Variants in MCF2L2 observed in about 807,000 individuals in gnomAD.
The protein encoded by MCF2L2 is MCF.2 cell line derived transforming sequence-like 2, also known as probable guanine nucleotide exchange factor MCF2L2.
A neutral mutation model predicts 150.2 loss-of-function variants in MCF2L2; 102 were observed. The observed-to-expected ratio is 0.68, with a 90% confidence interval of 0.58 to 0.80. The LOEUF is 0.80. Ranked by LOEUF, MCF2L2 falls within the 30% of genes least tolerant of loss-of-function variation. The probability of loss-of-function intolerance (pLI) is 0.00; values close to 1 mark genes in which losing one functional copy is unlikely to be tolerated. For synonymous variants in MCF2L2, 465 were observed against 491.3 expected, an observed-to-expected ratio of 0.95 and a Z score of 0.71; for missense variants, 1,256 against 1,372.8, an observed-to-expected ratio of 0.91 and a Z score of 1.34.
chr3:183,184,505 G>A (rs1456835535), intron 27 of MCF2L2, among the ~76,000 whole-genome samples: 1 of 152,222 alleles, frequency 6.6e-6, no homozygotes, highest in African/African-American at 2.4e-5. Context: ...GGTGGGCGAT[G>A]AGAATTCCTG....
At chr3:183,292,875 A>C (rs1728246932) in intron 13 of MCF2L2, among the ~76,000 whole-genome samples, 3 of 152,192 alleles carry the variant, frequency 2.0e-5, no homozygotes. Flanking sequence ...ATATGATAAC[A>C]AGCCAATAGA....
intron 1 of MCF2L2, among the ~76,000 whole-genome samples, chr3:183,414,856 C>T (rs1440897447): frequency 3.3e-5 from 5 of 152,100 alleles, no homozygotes; most frequent in Non-Finnish European, 7.4e-5. Flanking sequence ...TGTGAATTTT[C>T]ACATTTCCTT....
chr3:183,344,831 G>A (rs1164843491), intron 3 of MCF2L2, among the ~76,000 whole-genome samples: 8 of 152,020 alleles, frequency 5.3e-5, no homozygotes, highest in Non-Finnish European at 8.8e-5. Context: ...GACAAAGAAG[G>A]GAATTACATA....
At chr3:183,335,696 C>A (rs1326150651) in intron 5 of MCF2L2, among the ~76,000 whole-genome samples, 1 of 136,286 alleles carries the variant, frequency 7.3e-6, no homozygotes, top group African/African-American at 3.4e-5. Context: ...AGCAAAACCC[C>A]CTCTCTAAAA....
At chr3:183,325,226 C>T (rs974741517) in intron 5 of MCF2L2, among the ~76,000 whole-genome samples, 4 of 151,336 alleles carry the variant, frequency 2.6e-5, no homozygotes, top group Non-Finnish European at 5.9e-5. Context: ...ATGTAACAAA[C>T]CTGCACATTG....
In MCF2L2 at chr3:183,389,790, G is replaced by T. The variant is rs748194783; in HGVS notation, c.77-11C>A. 1.2e-6 allele frequency: 2 copies of T among 1,607,390 alleles called. No homozygotes were observed. The highest frequency in any genetic ancestry group is 1.7e-6 in the Non-Finnish European group (2 of 1,173,992). On this transcript the variant is annotated splice_polypyrimidine_tract_variant and intron_variant, in intron 1 of 29. Transcript: ENST00000328913. ...GCTGCATAATTTCATCTGCACAAAT[G>T]AAATACAAAGTGGGTTAGTTAAACA... is the stretch of plus-strand genomic sequence containing the variant.
At chr3:183,302,771 T>C (rs7634411) in intron 10 of MCF2L2, among the ~76,000 whole-genome samples, 94,237 of 151,926 alleles carry the variant, frequency 0.62, 30,923 homozygotes, top group African/African-American at 0.84. Context: ...AGCGCTTCCC[T>C]GGCGACTATA....
chr3:183,363,139 G>T (rs932829722), intron 3 of MCF2L2, among the ~76,000 whole-genome samples: 1 of 152,076 alleles, frequency 6.6e-6, no homozygotes, highest in Non-Finnish European at 1.5e-5. Flanking sequence ...CCTAAATATT[G>T]ACAACACCAA....
intron 5 of MCF2L2, among the ~76,000 whole-genome samples, chr3:183,326,896 A>G (rs1730066941): frequency 6.6e-6 from 1 of 152,222 alleles, no homozygotes; most frequent in African/African-American, 2.4e-5. Context: ...ACAAAGGTGC[A>G]AAGGTAATTC....
intron 20 of MCF2L2, among the ~76,000 whole-genome samples, chr3:183,222,189 A>G (rs945110911): frequency 6.6e-6 from 1 of 152,056 alleles, no homozygotes; most frequent in Non-Finnish European, 1.5e-5. Context: ...ACTTTTTCTG[A>G]GGGGAGACTG....
chr3:183,412,200 C>G (rs1339373554), intron 1 of MCF2L2, among the ~76,000 whole-genome samples: 2 of 152,162 alleles, frequency 1.3e-5, no homozygotes, highest in Non-Finnish European at 2.9e-5. Context: ...TGAGAGTAGA[C>G]TAATGGGAGC....
At chr3:183,314,649 C>T (rs1729523116) in intron 7 of MCF2L2, among the ~76,000 whole-genome samples, 1 of 151,896 alleles carries the variant, frequency 6.6e-6, no homozygotes, top group South Asian at 2.1e-4. Flanking sequence ...ACTCTCCAGG[C>T]TGGGAGAAAA....
At chr3:183,330,625 C>A (rs1730234261) in intron 5 of MCF2L2, among the ~76,000 whole-genome samples, 1 of 151,972 alleles carries the variant, frequency 6.6e-6, no homozygotes, top group Non-Finnish European at 1.5e-5. Flanking sequence ...GAACTGTACA[C>A]CAAAGAGAGT....
intron 5 of MCF2L2, among the ~76,000 whole-genome samples, chr3:183,330,264 G>GAAAAAAAA (rs751190665): frequency 8.0e-6 from 1 of 124,480 alleles, no homozygotes; most frequent in Admixed American, 8.2e-5. Flanking sequence ...AAAAAAAAAA[G>GAAAAAAAA]AAGAAGAAAA....
Position 183,428,025 on chromosome 3 carries a change from C to A in MCF2L2, c.-48G>T, listed in dbSNP as rs1716265664. On this transcript the variant is annotated 5_prime_UTR_variant, in exon 1 of 30. An upstream open reading frame in the 5' UTR loses its in-frame stop. Coordinates refer to ENST00000328913, the MANE Select transcript of MCF2L2 (RefSeq NM_015078.4). This position sits in a 1 kb window ranked among gnomAD's most constrained non-coding sequence, Gnocchi z 5.1. ...TAAATAAAGCCAAACAAAACTGTTT[C>A]TACCGCTGCGGTGGATGATTTTTTA... 7.0e-7 allele frequency: 1 copy of A among 1,427,900 alleles called. No individual in the cohort carries two copies. 88.5% of individuals were successfully genotyped at this position (1,427,900 alleles called of 1,614,324 possible).
intron 1 of MCF2L2, 35 bp from the exon 2 acceptor site, chr3:183,389,814 C>T: frequency 2.6e-6 from 4 of 1,512,878 alleles, no homozygotes; most frequent in Non-Finnish European, 3.7e-6. Flanking sequence ...GTTAGTTAAA[C>T]ATGTGCAAAT....
intron 10 of MCF2L2, among the ~76,000 whole-genome samples, chr3:183,303,192 T>G (rs1577046440): frequency 1.6e-5 from 2 of 122,838 alleles, no homozygotes. Context: ...AGACTCTGTC[T>G]CCAAAAAAAA....
chr3:183,274,804 G>A (rs981859271), intron 15 of MCF2L2, among the ~76,000 whole-genome samples: 3 of 152,100 alleles, frequency 2.0e-5, no homozygotes, highest in Non-Finnish European at 4.4e-5. Context: ...GATCACTTCC[G>A]CATTCTGCAG....
chr3:183,209,617 T>G (rs755759924), intron 22 of MCF2L2, among the ~76,000 whole-genome samples: 1 of 151,980 alleles, frequency 6.6e-6, no homozygotes, highest in Non-Finnish European at 1.5e-5. Context: ...TCCTCCCGAG[T>G]AGCTTGGATT....
Sources: gnomAD v4.1 joint callset for allele counts (sites outside exome capture counted in the v4.1 genomes callset) on GRCh38, gnomAD v4.1.1 for gene constraint, Gnocchi (gnomAD v3.1) non-coding constraint, MANE v1.5 for transcripts, NCBI Gene and HGNC (gene_info 2026-07-23, HGNC 2026-07-21) for gene names.